Variants in EYS observed in about 807,000 individuals in gnomAD.
EYS encodes the protein EGF-like photoreceptor maintenance factor.
In EYS, 250 loss-of-function variants were observed where a neutral mutation model predicts 282.1. The observed-to-expected ratio is 0.89, with a 90% CI of 0.80 to 0.98. The LOEUF (loss-of-function observed/expected upper bound fraction) is 0.98. EYS is among the 50% of genes least tolerant of loss of function. The probability of loss-of-function intolerance (pLI) is 0.00; values close to 1 mark genes in which losing one functional copy is unlikely to be tolerated. For missense variants in EYS, 4,016 were observed against 3,709.0 expected (o/e 1.08, Z -2.15); for synonymous variants, 1,355 against 1,282.9 (o/e 1.06, Z -1.20).
Position 65,443,452 on chromosome 6 carries a change from A to G in EYS, c.863-38085T>C, listed in dbSNP as rs111209877. Among the ~76,000 whole-genome samples the G allele has an allele frequency of 4.4e-3, 647 of 147,674 alleles. 14 individuals are homozygous for G. Among genetic ancestry groups the G allele is most frequent in the African/African-American group, 0.015 (623 of 41,296 alleles). On this transcript the variant is annotated intron_variant, in intron 5 of 42. Transcript: ENST00000503581. ...TATATGTACACATATAGCCATATGTACATATACGCCATACACATGCACATA... is the reference window on the plus strand; with the variant it reads ...TATATGTACACATATAGCCATATGTGCATATACGCCATACACATGCACATA...
intron 30 of EYS, among the ~76,000 whole-genome samples, chr6:64,282,157 A>G (rs1768330479): frequency 6.6e-6 from 1 of 152,142 alleles, no homozygotes; most frequent in South Asian, 2.1e-4. Flanking sequence ...TGGCTTATCA[A>G]TTTATTTTAA....
chr6:65,088,885 G>A (rs1205887878), intron 12 of EYS, among the ~76,000 whole-genome samples: 1 of 152,084 alleles, frequency 6.6e-6, no homozygotes, highest in Non-Finnish European at 1.5e-5. Flanking sequence ...AGCTGCTTCA[G>A]CTCCAGCTAT....
At chr6:63,753,722 G>A (rs1769405485) in intron 41 of EYS, among the ~76,000 whole-genome samples, 1 of 152,196 alleles carries the variant, frequency 6.6e-6, no homozygotes, top group Admixed American at 6.5e-5. Context: ...TACAATTTGA[G>A]ATGAGATTTG....
intron 20 of EYS, 117 bp from the exon 21 acceptor site, chr6:64,821,840 G>T: frequency 1.7e-6 from 1 of 574,032 alleles, no homozygotes; most frequent in Non-Finnish European, 3.1e-6. Context: ...GCACTCCCAT[G>T]AGCAATACAA....
intron 22 of EYS, among the ~76,000 whole-genome samples, chr6:64,787,551 C>T (rs1469997973): frequency 7.9e-5 from 12 of 151,208 alleles, no homozygotes; most frequent in Non-Finnish European, 1.8e-4. Context: ...TGTTTCCAGG[C>T]CTTTGTTGAG....
chr6:64,448,226 G>A (rs1315034780), intron 26 of EYS, among the ~76,000 whole-genome samples: 5 of 152,338 alleles, frequency 3.3e-5, no homozygotes, highest in Non-Finnish European at 7.4e-5. Context: ...AGGTGGCTCT[G>A]AAGGTCCTAT....
intron 22 of EYS, among the ~76,000 whole-genome samples, chr6:64,756,001 C>T (rs79251374): frequency 0.038 from 5,706 of 152,148 alleles, 250 homozygotes; most frequent in East Asian, 0.14. Context: ...AAAATAATCA[C>T]TTACATTGAG....
At chr6:65,102,702 T>C (rs762513807) in intron 12 of EYS, among the ~76,000 whole-genome samples, 16 of 151,304 alleles carry the variant, frequency 1.1e-4, no homozygotes, top group Admixed American at 2.0e-4. Context: ...TAAGTTAAAA[T>C]GCTGAATTTT....
chr6:65,090,424 C>T lies in EYS; in HGVS notation c.2024-32697G>A, dbSNP rs1021484608. On this transcript the variant is annotated intron_variant, in intron 12 of 42. Transcript: ENST00000503581. ...ACTGTGAGTCAATTAAAACTTTTTT[C>T]TTTATAAATTACCCAGTCTTGGGTA... 2.0e-5 allele frequency among the ~76,000 whole-genome samples: 3 copies of T among 152,066 alleles called. No individual in the cohort carries two copies. In the South Asian group the frequency reaches 6.2e-4, roughly 32 times the overall value.
At chr6:65,310,456 TGTGAA>T (rs1490493430) in intron 11 of EYS, among the ~76,000 whole-genome samples, 1 of 152,030 alleles carries the variant, frequency 6.6e-6, no homozygotes, top group Non-Finnish European at 1.5e-5. Context: ...CCCACACTCT[TGTGAA>T]GTTCCCTCCC....
intron 34 of EYS, among the ~76,000 whole-genome samples, chr6:63,996,645 G>A (rs541090754): frequency 1.3e-5 from 2 of 152,232 alleles, no homozygotes; most frequent in East Asian, 3.9e-4. Flanking sequence ...TATCTAGCTA[G>A]AATGTCTGGG....
chr6:63,984,326 G>T, intron 35 of EYS, 57 bp downstream of exon 35: 1 of 1,266,010 alleles, frequency 7.9e-7, no homozygotes, highest in Non-Finnish European at 1.1e-6. Flanking sequence ...GGCTTTTGTT[G>T]TTTTAAGAAT....
intron 8 of EYS, among the ~76,000 whole-genome samples, chr6:65,360,462 T>G (rs1000734274): frequency 1.3e-5 from 2 of 152,036 alleles, no homozygotes; most frequent in African/African-American, 4.8e-5. Context: ...TAATGCAAAA[T>G]GAAAAACAAA....
intron 35 of EYS, among the ~76,000 whole-genome samples, chr6:63,925,031 C>A (rs1191007536): frequency 6.6e-6 from 1 of 152,158 alleles, no homozygotes; most frequent in Non-Finnish European, 1.5e-5. Flanking sequence ...GTTTTGACAA[C>A]AGCATTAGAT....
At chr6:64,890,895 C>T (rs1767270694) in intron 18 of EYS, among the ~76,000 whole-genome samples, 1 of 152,104 alleles carries the variant, frequency 6.6e-6, no homozygotes, top group Admixed American at 6.6e-5. Context: ...TCAATAACCT[C>T]TCTTTCCTTT....
At chr6:64,713,220 C>T (rs1162981767) in intron 22 of EYS, 2 of 152,122 alleles carry the variant, frequency 1.3e-5, no homozygotes, top group Admixed American at 1.3e-4. Flanking sequence ...GCAGCATTCC[C>T]TTTTGGTTTC....
chr6:63,738,253 CTA>C (rs1768977263), intron 41 of EYS, among the ~76,000 whole-genome samples: 1 of 151,998 alleles, frequency 6.6e-6, no homozygotes, highest in Non-Finnish European at 1.5e-5. Flanking sequence ...ACCCAAAGGA[CTA>C]TAAATCATGC....
chr6:65,568,308 CTT>C lies in EYS; in HGVS notation c.-333+71468_-333+71469del, dbSNP rs61492530. Among the ~76,000 whole-genome samples, 145 of 140,506 alleles carry C rather than the reference CTT, an allele frequency of 1.0e-3. 1 individual carries two copies. The South Asian group carries it at 0.011, about 11-fold the overall frequency. 92.2% of individuals were successfully genotyped at this position (140,506 alleles called of 152,430 possible). On this transcript the variant is annotated intron_variant, in intron 2 of 42. Transcript: ENST00000503581. ...CCCACTTTCTTTTTTTCTTTTTTTT[CTT>C]TTTTTTTTTTGTAACCTCAAGATGG...
chr6:64,719,784 G>A (rs2149942110), intron 22 of EYS, among the ~76,000 whole-genome samples: 1 of 152,206 alleles, frequency 6.6e-6, no homozygotes, highest in South Asian at 2.1e-4. Flanking sequence ...CATGCCTATA[G>A]TCCCAGAACG....
Sources: allele counts gnomAD v4.1 joint callset (sites outside exome capture counted in the v4.1 genomes callset), GRCh38; gene constraint gnomAD v4.1.1; transcripts MANE v1.5; gene names NCBI Gene and HGNC (gene_info 2026-07-23, HGNC 2026-07-21).